The following PRKG2 variants were observed in gnomAD, a reference collection of about 807,000 sequenced individuals.
PRKG2 encodes the protein cGMP-dependent protein kinase 2.
PRKG2 carries 33 observed loss-of-function variants against 97.2 expected under a neutral mutation model. That is an observed-to-expected ratio of 0.34 (90% CI 0.26 to 0.45). The LOEUF is 0.45. Ranked by LOEUF, PRKG2 falls within the 20% of genes least tolerant of loss-of-function variation. The pLI is 1.00. For missense variants in PRKG2, 638 were observed against 900.0 expected, an observed-to-expected ratio of 0.71 and a Z score of 3.73; for synonymous variants, 330 against 321.8, an observed-to-expected ratio of 1.03 and a Z score of -0.27.
chr4:81,195,156 T>C (rs1299821923), intron 2 of PRKG2, among the ~76,000 whole-genome samples: 1 of 152,156 alleles, frequency 6.6e-6, no homozygotes, highest in Non-Finnish European at 1.5e-5. Context: ...TGAAGGCTCA[T>C]CAATTAATCA....
chr4:81,188,328 A>G (rs936877016), intron 2 of PRKG2, among the ~76,000 whole-genome samples: 18 of 150,314 alleles, frequency 1.2e-4, no homozygotes, highest in African/African-American at 2.3e-4. Context: ...ATGAGATACC[A>G]TCTCACATCA....
intron 14 of PRKG2, among the ~76,000 whole-genome samples, chr4:81,116,816 T>TC (rs1198719869): frequency 7.2e-6 from 1 of 138,038 alleles, no homozygotes. Flanking sequence ...ATGTATGTCT[T>TC]CTTTGAGACG....
At chr4:81,189,043 A>G (rs1752175970) in intron 2 of PRKG2, among the ~76,000 whole-genome samples, 1 of 104,730 alleles carries the variant, frequency 9.5e-6, no homozygotes, top group South Asian at 3.0e-4. Flanking sequence ...AAAAAAAGAA[A>G]AAAAAAAGAT....
At chr4:81,100,166 C>T (rs996254984) in intron 17 of PRKG2, among the ~76,000 whole-genome samples, 9 of 151,518 alleles carry the variant, frequency 5.9e-5, no homozygotes, top group South Asian at 2.1e-4. Context: ...TCAATGCCAT[C>T]TCCATCAAGC....
chr4:81,134,399 A>C (rs1746463192), intron 14 of PRKG2, among the ~76,000 whole-genome samples: 1 of 152,180 alleles, frequency 6.6e-6, no homozygotes, highest in African/African-American at 2.4e-5. Flanking sequence ...GTAAATGTTA[A>C]GTTCAGAAAT....
intron 8 of PRKG2, among the ~76,000 whole-genome samples, chr4:81,150,917 AAAG>A (rs1162909773): frequency 2.6e-5 from 4 of 152,316 alleles, no homozygotes; most frequent in African/African-American, 7.2e-5. Context: ...ATAAAGTGGT[AAAG>A]AAGAATTCAG....
chr4:81,180,616 A>AT, intron 2 of PRKG2, among the ~76,000 whole-genome samples: 1 of 152,304 alleles, frequency 6.6e-6, no homozygotes, highest in East Asian at 1.9e-4. Flanking sequence ...CAGTATCAAA[A>AT]TATATGGAGC....
chr4:81,117,343 G>A (rs1233094028), intron 14 of PRKG2, among the ~76,000 whole-genome samples: 1 of 151,902 alleles, frequency 6.6e-6, no homozygotes, highest in Non-Finnish European at 1.5e-5. Context: ...AGGTTTTATT[G>A]TTCACTTTTC....
intron 3 of PRKG2, 77 bp from the exon 4 acceptor site, chr4:81,171,881 A>G (rs1750511926): frequency 3.0e-6 from 3 of 987,196 alleles, no homozygotes; most frequent in Non-Finnish European, 4.5e-6. Context: ...GTAAAATAAA[A>G]CAATCATAAA....
rs749907962 is a variant in PRKG2, at chr4:81,154,533, C to T, written c.913-812G>A. Among the ~76,000 whole-genome samples, 368 of 119,874 alleles carry T rather than the reference C, an allele frequency of 3.1e-3. 3 individuals are homozygous for T. Among genetic ancestry groups the T allele is most frequent in the Non-Finnish European group, 3.7e-3 (239 of 63,734 alleles). 78.6% of individuals were successfully genotyped at this position (119,874 alleles called of 152,430 possible). The stretch of plus-strand genomic sequence containing the variant: ...CACTGACACCTCACACGGCAGGGTA[C>T]TCCAACAGACCTGCAGCTGAGGGTC... On this transcript the variant is annotated intron_variant, in intron 6 of 18. Coordinates refer to ENST00000264399, the MANE Select transcript of PRKG2 (RefSeq NM_006259.3).
At chr4:81,108,279 C>T (rs1743553705) in intron 15 of PRKG2, among the ~76,000 whole-genome samples, 1 of 151,998 alleles carries the variant, frequency 6.6e-6, no homozygotes, top group Admixed American at 6.6e-5. Context: ...TTAAAGATGA[C>T]TTTCCATGAA....
chr4:81,097,647 C>T (rs778221382), intron 17 of PRKG2, among the ~76,000 whole-genome samples: 6 of 152,174 alleles, frequency 3.9e-5, no homozygotes, highest in Non-Finnish European at 7.4e-5. Context: ...TTTATGTAGA[C>T]ACTTTCATCA....
intron 2 of PRKG2, among the ~76,000 whole-genome samples, chr4:81,179,524 G>C (rs1288759282): frequency 6.6e-6 from 1 of 152,160 alleles, no homozygotes; most frequent in Non-Finnish European, 1.5e-5. Context: ...GCTCCAGACA[G>C]AAGAAATATG....
At chr4:81,131,234 G>A (rs1466031306) in intron 14 of PRKG2, among the ~76,000 whole-genome samples, 1 of 149,644 alleles carries the variant, frequency 6.7e-6, no homozygotes, top group Non-Finnish European at 1.5e-5. Flanking sequence ...CCTTGGCTAG[G>A]GGAGGGAGTT....
intron 1 of PRKG2, among the ~76,000 whole-genome samples, chr4:81,212,482 G>A (rs983598409): frequency 1.3e-5 from 2 of 152,152 alleles, no homozygotes; most frequent in African/African-American, 2.4e-5. Context: ...GAAAGACGAT[G>A]AGGATTTGAA....
rs181201042 is a variant in PRKG2, at chr4:81,114,285, T to C, written c.1777-3674A>G. ...GTATCCTATACATTTTGTACCCCTATAGCATTTGCAACACAGATGTTCAAC... is the reference window on the plus strand; with the variant it reads ...GTATCCTATACATTTTGTACCCCTACAGCATTTGCAACACAGATGTTCAAC... On this transcript the variant is annotated intron_variant, in intron 14 of 18. Coordinates refer to ENST00000264399, the MANE Select transcript of PRKG2 (RefSeq NM_006259.3). Among the ~76,000 whole-genome samples, 43 of 150,672 alleles carry C rather than the reference T, an allele frequency of 2.9e-4. No homozygotes were observed. In the Middle Eastern group the frequency reaches 0.014, roughly 48 times the overall value.
intron 15 of PRKG2, among the ~76,000 whole-genome samples, chr4:81,108,767 T>C (rs1322914926): frequency 6.6e-6 from 1 of 152,110 alleles, no homozygotes; most frequent in Admixed American, 6.6e-5. Flanking sequence ...CATGGTGGCA[T>C]GTGCCTGTAG....
intron 14 of PRKG2, among the ~76,000 whole-genome samples, chr4:81,133,320 C>T (rs992713426): frequency 3.3e-5 from 5 of 152,058 alleles, no homozygotes; most frequent in African/African-American, 1.2e-4. Flanking sequence ...CCTATTTCTC[C>T]AGCAGTTTAA....
At chr4:81,094,433 T>C (rs755069047) in intron 17 of PRKG2, among the ~76,000 whole-genome samples, 1 of 152,198 alleles carries the variant, frequency 6.6e-6, no homozygotes, top group Non-Finnish European at 1.5e-5. Context: ...TTTGTTTGTT[T>C]TTTAATTCTA....
Sources: gnomAD v4.1 joint callset for allele counts (sites outside exome capture counted in the v4.1 genomes callset) on GRCh38, gnomAD v4.1.1 for gene constraint, MANE v1.5 for transcripts, NCBI Gene and HGNC (gene_info 2026-07-23, HGNC 2026-07-21) for gene names.